TENM4: variants seen among roughly 807,000 people sequenced by gnomAD.
The protein encoded by TENM4 is teneurin-4.
TENM4 carries 82 observed loss-of-function variants against 243.3 expected under a neutral mutation model. The observed-to-expected ratio is 0.34, with a 90% CI of 0.28 to 0.40. TENM4 has a LOEUF of 0.40. Among genes scored for constraint, TENM4 ranks in the 10% least tolerant of loss-of-function variants. TENM4 has a pLI of 1.00. For synonymous variants in TENM4, 1,412 were observed against 1,456.3 expected (o/e 0.97, Z 0.69); for missense variants, 3,138 against 3,673.3 (o/e 0.85, Z 3.77).
intron 10 of TENM4, among the ~76,000 whole-genome samples, chr11:78,861,318 T>G (rs1858813553): frequency 1.3e-5 from 2 of 152,208 alleles, no homozygotes; most frequent in African/African-American, 4.8e-5. Context: ...TAGCTCAATA[T>G]TCTCCTTTTG....
At chr11:78,811,732 G>A (rs1324822665) in intron 14 of TENM4, among the ~76,000 whole-genome samples, 1 of 152,162 alleles carries the variant, frequency 6.6e-6, no homozygotes, top group Non-Finnish European at 1.5e-5. Flanking sequence ...CAGAACGACT[G>A]GGCTCAAACT....
At position 78,862,957 on chromosome 11, in the gene TENM4, C is replaced by G. The variant is rs775869524; in HGVS notation, c.1255+5G>C. On this transcript the variant is annotated splice_donor_5th_base_variant and intron_variant, in intron 10 of 33. Transcript: ENST00000278550. ...CTCACAACACGGACAACGCAGCAAC[C>G]CTACCTTCTGTGGTTCCTTTGCCTT... 10 of 1,452,768 alleles carry G rather than the reference C, an allele frequency of 6.9e-6. No individual in the cohort carries two copies. The South Asian group carries it at 1.4e-4, about 20-fold the overall frequency. 90.0% of individuals were successfully genotyped at this position (1,452,768 alleles called of 1,614,324 possible).
intron 2 of TENM4, among the ~76,000 whole-genome samples, chr11:79,220,548 C>T (rs1172830059): frequency 6.6e-6 from 1 of 152,182 alleles, no homozygotes; most frequent in Non-Finnish European, 1.5e-5. Context: ...ATAATTTCTT[C>T]TAGTCTTAAA....
At chr11:79,227,592 A>G (rs1381565655) in intron 2 of TENM4, among the ~76,000 whole-genome samples, 1 of 152,188 alleles carries the variant, frequency 6.6e-6, no homozygotes, top group Non-Finnish European at 1.5e-5. Context: ...AGGTGGGGCC[A>G]CTGTGAGACT....
At chr11:78,850,938 T>C (rs1858522624) in intron 12 of TENM4, among the ~76,000 whole-genome samples, 1 of 152,194 alleles carries the variant, frequency 6.6e-6, no homozygotes, top group Non-Finnish European at 1.5e-5. Flanking sequence ...GTAGTTCTCA[T>C]AAGGCGTCTG....
At chr11:78,846,042 C>T (rs1327152424) in intron 12 of TENM4, among the ~76,000 whole-genome samples, 3 of 152,080 alleles carry the variant, frequency 2.0e-5, no homozygotes, top group Non-Finnish European at 2.9e-5. Flanking sequence ...TCTCTGACTA[C>T]GAGAGGGTAT....
chr11:79,260,650 G>A (rs937822767), intron 2 of TENM4, among the ~76,000 whole-genome samples: 10 of 152,080 alleles, frequency 6.6e-5, no homozygotes, highest in Non-Finnish European at 1.2e-4. Context: ...CAGTGGACTC[G>A]TGACTGTGGA....
chr11:78,765,414 G>A (rs1475825421), intron 18 of TENM4, among the ~76,000 whole-genome samples: 1 of 152,156 alleles, frequency 6.6e-6, no homozygotes, highest in Non-Finnish European at 1.5e-5. Flanking sequence ...AGCAATAAGA[G>A]ATGAGGAGGA....
At position 78,811,569 on chromosome 11, in the gene TENM4, A is replaced by AACACACACAT. The variant is rs1555083999; in HGVS notation, c.1978+552_1978+553insATGTGTGTGT. Among the ~76,000 whole-genome samples the AACACACACAT allele has an allele frequency of 5.1e-3, 334 of 65,108 alleles. 1 individual carries two copies. The highest frequency in any genetic ancestry group is 0.019 in the Middle Eastern group (2 of 106). The allele number at this position is 65,108 out of a possible 152,430, so 42.7% of individuals were successfully genotyped here. On this transcript the variant is annotated intron_variant, in intron 14 of 33. Transcript: ENST00000278550. ...TGGGCACTGCAGAGCCATACACATG[A>AACACACACAT]ACACACACACACACACACACACACA...
intron 2 of TENM4, among the ~76,000 whole-genome samples, chr11:79,271,668 C>T (rs1264612957): frequency 6.6e-6 from 1 of 152,178 alleles, no homozygotes; most frequent in Admixed American, 6.5e-5. Flanking sequence ...ACTCTTCAAC[C>T]ACAACACTGA....
intron 1 of TENM4, among the ~76,000 whole-genome samples, chr11:79,333,859 G>A (rs940284854): frequency 6.6e-6 from 1 of 152,230 alleles, no homozygotes; most frequent in Non-Finnish European, 1.5e-5. Context: ...AGTAAGTCAT[G>A]GAGCTGAGAT....
At chr11:79,096,852 C>T (rs548517707) in intron 4 of TENM4, 1 of 152,614 alleles carries the variant, frequency 6.6e-6, no homozygotes, top group Admixed American at 6.5e-5. Context: ...CAATTTGCTC[C>T]ATTCTCACAC....
intron 1 of TENM4, among the ~76,000 whole-genome samples, chr11:79,297,800 A>G (rs1856480605): frequency 1.3e-5 from 2 of 152,172 alleles, no homozygotes; most frequent in Admixed American, 6.5e-5. Flanking sequence ...CAGCCTTCCA[A>G]TCATTTGGGC....
intron 9 of TENM4, among the ~76,000 whole-genome samples, chr11:78,884,005 G>A (rs755096317): frequency 2.0e-5 from 3 of 152,206 alleles, no homozygotes; most frequent in East Asian, 1.9e-4. Flanking sequence ...TACATGAGAT[G>A]CTAATAATTC....
At chr11:78,912,875 A>G (rs569129193) in intron 6 of TENM4, among the ~76,000 whole-genome samples, 1 of 152,344 alleles carries the variant, frequency 6.6e-6, no homozygotes, top group Admixed American at 6.5e-5. Context: ...TTTGAATCCA[A>G]AAGTAGAACT....
rs115809876 is a variant in TENM4, at chr11:79,152,627, C to T, written c.-162-3821G>A. On this transcript the variant is annotated intron_variant, in intron 3 of 33. Transcript: ENST00000278550. ...GAATGAACACAACCTTCCAGTGGAA[C>T]GGGAAAACAAGGGGCTGGGAGCCAG... 8.0e-3 allele frequency among the ~76,000 whole-genome samples: 1,213 copies of T among 152,294 alleles called. 19 individuals are homozygous for T. The highest frequency in any genetic ancestry group is 0.028 in the African/African-American group (1,145 of 41,558).
chr11:79,145,983 A>G (rs1862388695), intron 4 of TENM4, among the ~76,000 whole-genome samples: 1 of 151,998 alleles, frequency 6.6e-6, no homozygotes, highest in South Asian at 2.1e-4. Context: ...TTACTGATTT[A>G]TAGGAGTTTC....
intron 6 of TENM4, among the ~76,000 whole-genome samples, chr11:78,986,052 T>C (rs556044081): frequency 3.3e-5 from 5 of 152,372 alleles, no homozygotes; most frequent in African/African-American, 1.2e-4. Context: ...TTGATTTTCA[T>C]TTAGAATATA....
chr11:79,112,698 T>C lies in TENM4; in HGVS notation c.-66+36012A>G, dbSNP rs375144472. On this transcript the variant is annotated intron_variant, in intron 4 of 33. Coordinates refer to ENST00000278550, the MANE Select transcript of TENM4 (RefSeq NM_001098816.3). ...CAAGTAGGTTGCCCTGGTTTCCTCA[T>C]TGGTCAAGGAGCATCATTCCTAGGG... 2.1e-3 allele frequency among the ~76,000 whole-genome samples: 317 copies of C among 152,292 alleles called. 2 individuals are homozygous for C. Among genetic ancestry groups the C allele is most frequent in the Non-Finnish European group, 3.8e-3 (261 of 68,022 alleles).
Sources: allele counts gnomAD v4.1 joint callset (sites outside exome capture counted in the v4.1 genomes callset), GRCh38; gene constraint gnomAD v4.1.1; transcripts MANE v1.5; gene names NCBI Gene and HGNC (gene_info 2026-07-23, HGNC 2026-07-21).